ADGRL2: variants seen among roughly 807,000 people sequenced by gnomAD.
ADGRL2 encodes the protein calcium-independent alpha-latrotoxin receptor 2.
A neutral mutation model predicts 157.4 loss-of-function variants in ADGRL2; 44 were observed. That is an observed-to-expected ratio of 0.28 (90% CI 0.22 to 0.36). The LOEUF is 0.36. ADGRL2 is among the 10% of genes least tolerant of loss of function. The pLI is 1.00. For missense variants in ADGRL2, 1,510 were observed against 1,768.9 expected (o/e 0.85, Z 2.63); for synonymous variants, 585 against 624.7 (o/e 0.94, Z 0.95).
chr1:81,504,667 G>A (rs1160544359), intron 2 of ADGRL2, among the ~76,000 whole-genome samples: 3 of 152,100 alleles, frequency 2.0e-5, no homozygotes, highest in Non-Finnish European at 4.4e-5. Context: ...GCGGGGAGGT[G>A]GAGTGGAGAG....
intron 2 of ADGRL2, among the ~76,000 whole-genome samples, chr1:81,769,649 G>T (rs2086273239): frequency 6.6e-6 from 1 of 151,574 alleles, no homozygotes; most frequent in Admixed American, 6.6e-5. Flanking sequence ...CAATACCTTG[G>T]CTATCATGGC....
At chr1:81,825,418 A>G (rs139614928) in intron 1 of ADGRL2, among the ~76,000 whole-genome samples, 39 of 152,020 alleles carry the variant, frequency 2.6e-4, no homozygotes, top group African/African-American at 8.9e-4. Context: ...GCGCAATCTC[A>G]TCTCACTGCA....
chr1:81,362,649 G>T (rs1306380953), intron 1 of ADGRL2, among the ~76,000 whole-genome samples: 3 of 151,832 alleles, frequency 2.0e-5, no homozygotes, highest in African/African-American at 7.2e-5. Flanking sequence ...TGTCTGCATA[G>T]AATTAATATT....
At chr1:81,640,523 T>C (rs527640584) in intron 3 of ADGRL2, among the ~76,000 whole-genome samples, 20 of 151,838 alleles carry the variant, frequency 1.3e-4, no homozygotes, top group African/African-American at 4.3e-4. Context: ...TCCCAGCTAC[T>C]TGGGAGGCTG....
At chr1:81,838,095 G>C (rs1477211175) in intron 2 of ADGRL2, among the ~76,000 whole-genome samples, 1 of 151,908 alleles carries the variant, frequency 6.6e-6, no homozygotes, top group Non-Finnish European at 1.5e-5. Context: ...AGGTGGAGAA[G>C]GGGCATACTG....
At chr1:81,591,758 C>T (rs1227758225) in intron 3 of ADGRL2, among the ~76,000 whole-genome samples, 2 of 152,120 alleles carry the variant, frequency 1.3e-5, no homozygotes, top group African/African-American at 2.4e-5. Flanking sequence ...ATTAATCTGC[C>T]CTATTGGAGT....
At chr1:81,663,238 C>T (rs1274620593) in intron 3 of ADGRL2, among the ~76,000 whole-genome samples, 1 of 152,058 alleles carries the variant, frequency 6.6e-6, no homozygotes, top group Non-Finnish European at 1.5e-5. Context: ...TAGGAGTCTT[C>T]ACCGCACCCA....
chr1:81,652,431 T>A (rs1202486105), intron 3 of ADGRL2, among the ~76,000 whole-genome samples: 3 of 152,148 alleles, frequency 2.0e-5, no homozygotes, highest in African/African-American at 7.2e-5. Context: ...ATTATATAAA[T>A]AACACCTGAA....
chr1:81,588,025 G>A (rs1434810560), intron 3 of ADGRL2, among the ~76,000 whole-genome samples: 1 of 152,102 alleles, frequency 6.6e-6, no homozygotes, highest in Admixed American at 6.6e-5. Flanking sequence ...GAGTAAAGTT[G>A]TTCTGAAAAT....
intron 1 of ADGRL2, among the ~76,000 whole-genome samples, chr1:81,364,718 G>C (rs34130109): frequency 0.039 from 5,783 of 146,966 alleles, 130 homozygotes; most frequent in Middle Eastern, 0.11. Flanking sequence ...TTTTTTTTTC[G>C]AGACAGAGTC....
intron 3 of ADGRL2, among the ~76,000 whole-genome samples, chr1:81,673,093 C>T (rs1246515141): frequency 6.6e-6 from 1 of 152,138 alleles, no homozygotes; most frequent in African/African-American, 2.4e-5. Flanking sequence ...TTTTGTCTTA[C>T]TTATTTCACA....
intron 2 of ADGRL2, among the ~76,000 whole-genome samples, chr1:81,457,735 A>G (rs958310646): frequency 1.4e-4 from 21 of 152,188 alleles, no homozygotes; most frequent in Non-Finnish European, 1.5e-4. Context: ...GTGAAATATG[A>G]AAGTTATGAT....
At chr1:81,652,203 T>C (rs1443257700) in intron 3 of ADGRL2, among the ~76,000 whole-genome samples, 4 of 152,242 alleles carry the variant, frequency 2.6e-5, no homozygotes, top group Non-Finnish European at 5.9e-5. Context: ...AAAAGCTACC[T>C]TGTTTCAATT....
At chr1:81,464,206 G>A (rs1037224546) in intron 2 of ADGRL2, among the ~76,000 whole-genome samples, 5 of 151,904 alleles carry the variant, frequency 3.3e-5, no homozygotes, top group Non-Finnish European at 5.9e-5. Context: ...ATGTAATACA[G>A]CCCCAAAGAA....
intron 3 of ADGRL2, among the ~76,000 whole-genome samples, chr1:81,606,675 C>T (rs756475131): frequency 8.6e-5 from 13 of 151,836 alleles, no homozygotes; most frequent in Non-Finnish European, 1.6e-4. Flanking sequence ...TCTTTTTCAT[C>T]CCTGTCTCTC....
At chr1:81,397,279 C>A (rs1242998360) in intron 1 of ADGRL2, among the ~76,000 whole-genome samples, 1 of 116,914 alleles carries the variant, frequency 8.6e-6, no homozygotes, top group Non-Finnish European at 1.8e-5. Context: ...TCTAATGATT[C>A]TTTGTATTTC....
At chr1:81,496,500 C>T (rs1200205567) in intron 2 of ADGRL2, among the ~76,000 whole-genome samples, 1 of 152,080 alleles carries the variant, frequency 6.6e-6, no homozygotes, top group East Asian at 1.9e-4. Context: ...AGAGATGGGT[C>T]GTCATCCATC....
chr1:81,844,345 T>G (rs1386702998), intron 2 of ADGRL2, among the ~76,000 whole-genome samples: 1 of 152,210 alleles, frequency 6.6e-6, no homozygotes, highest in Non-Finnish European at 1.5e-5. Flanking sequence ...TTCTCATTAC[T>G]CATTAATTTC....
intron 3 of ADGRL2, among the ~76,000 whole-genome samples, chr1:81,667,965 T>C (rs2082786467): frequency 1.3e-5 from 2 of 152,216 alleles, no homozygotes; most frequent in African/African-American, 4.8e-5. Flanking sequence ...TGAATCATTA[T>C]TGAAAAGAGT....
Sources: gnomAD v4.1 joint callset for allele counts (sites outside exome capture counted in the v4.1 genomes callset) on GRCh38, gnomAD v4.1.1 for gene constraint, MANE v1.5 for transcripts, NCBI Gene and HGNC (gene_info 2026-07-23, HGNC 2026-07-21) for gene names.